LCORL: variants seen among roughly 807,000 people sequenced by gnomAD.
The protein encoded by LCORL is ligand dependent nuclear receptor corepressor like.
In LCORL, 41 loss-of-function variants were observed where a neutral mutation model predicts 141.8. The ratio of observed to expected loss-of-function variants is 0.29; its 90% CI spans 0.23 to 0.38. The LOEUF (loss-of-function observed/expected upper bound fraction) is 0.38. LCORL is among the 10% of genes least tolerant of loss of function. The pLI is 1.00. For missense variants in LCORL, 1,759 were observed against 2,035.0 expected, an observed-to-expected ratio of 0.86 and a Z score of 2.61; for synonymous variants, 618 against 694.1, an observed-to-expected ratio of 0.89 and a Z score of 1.72.
At chr4:17,883,498 G>C in intron 6 of LCORL, 3 of 1,248,036 alleles carry the variant, frequency 2.4e-6, no homozygotes, top group Non-Finnish European at 3.0e-6. Context: ...AATTAAGTAA[G>C]CAACTATATA....
At chr4:17,901,145 T>C (rs186229991) in intron 5 of LCORL, among the ~76,000 whole-genome samples, 3 of 152,176 alleles carry the variant, frequency 2.0e-5, no homozygotes, top group Admixed American at 2.0e-4. Flanking sequence ...ATTAAATATA[T>C]TCTGTGGCTT....
chr4:18,012,277 T>C (rs1723928292), intron 1 of LCORL, among the ~76,000 whole-genome samples: 1 of 152,208 alleles, frequency 6.6e-6, no homozygotes. Flanking sequence ...ACAAGCATGG[T>C]AAACTCACTA....
At chr4:17,873,510 A>G in exon 7 of LCORL, 2 of 1,233,944 alleles carry the variant, frequency 1.6e-6, no homozygotes, top group Non-Finnish European at 2.0e-6. Context: ...ATTGCTAAGA[A>G]CTTCAAAACT....
Position 17,941,709 on chromosome 4 carries a change from A to G in LCORL, c.430+20194T>C, listed in dbSNP as rs370373403. 2.0e-4 allele frequency among the ~76,000 whole-genome samples: 30 copies of G among 152,170 alleles called. 1 individual carries two copies. The South Asian group carries it at 3.3e-3, about 17-fold the overall frequency. On this transcript the variant is annotated intron_variant, in intron 4 of 7. Transcript: ENST00000635767. ...TGTAATTGAAAAGGAAGGGTAAACC[A>G]TTTTCTTCTTATAGGAAAGCAGTCA...
At chr4:17,886,016 G>T in intron 6 of LCORL, 52 bp downstream of exon 6, 1 of 1,012,628 alleles carries the variant, frequency 9.9e-7, no homozygotes, top group Non-Finnish European at 1.5e-6. Flanking sequence ...AGAGTTCTCT[G>T]CAGAGATAAT....
rs111747760 is a variant in LCORL, at chr4:17,928,197, A to G, written c.431-18852T>C. Among the ~76,000 whole-genome samples, 1,195 of 152,312 alleles carry G rather than the reference A, an allele frequency of 7.8e-3. 11 individuals are homozygous for G. The highest frequency in any genetic ancestry group is 0.027 in the African/African-American group (1,127 of 41,566). On this transcript the variant is annotated intron_variant, in intron 4 of 7. Coordinates refer to ENST00000635767, the Ensembl canonical transcript of LCORL. ...TAAGGTGGGTGGATCACTTGAGCCC[A>G]GGAGTTTGAGATCAGCCTGGGCAGT... is the stretch of plus-strand genomic sequence containing the variant.
chr4:17,965,678 T>C (rs138219892), intron 2 of LCORL, among the ~76,000 whole-genome samples: 2,217 of 152,220 alleles, frequency 0.015, 25 homozygotes, highest in Non-Finnish European at 0.024. Flanking sequence ...AGTACTGAAC[T>C]TTTTGTGGCT....
intron 1 of LCORL, among the ~76,000 whole-genome samples, chr4:18,016,999 T>G (rs1391539310): frequency 1.3e-5 from 2 of 152,102 alleles, no homozygotes; most frequent in African/African-American, 4.8e-5. Flanking sequence ...TGGAGGTAAA[T>G]TTGGAAAAGG....
intron 7 of LCORL, among the ~76,000 whole-genome samples, chr4:17,855,431 G>A (rs529957596): frequency 6.6e-6 from 1 of 152,218 alleles, no homozygotes; most frequent in Non-Finnish European, 1.5e-5. Context: ...GGTTTATAAC[G>A]TTCCGAAACC....
chr4:17,857,332 A>T (rs1271947567), intron 7 of LCORL, among the ~76,000 whole-genome samples: 6 of 152,348 alleles, frequency 3.9e-5, no homozygotes, highest in Non-Finnish European at 8.8e-5. Flanking sequence ...GGTTAAAGAT[A>T]AATACTGATC....
intron 2 of LCORL, 88 bp downstream of exon 2, chr4:17,972,732 T>G (rs942142756): frequency 2.2e-6 from 1 of 449,652 alleles, no homozygotes; most frequent in Non-Finnish European, 3.7e-6. Context: ...AAATTCATGT[T>G]TAATATAAAG....
chr4:17,989,346 T>C (rs1040056925), intron 1 of LCORL, among the ~76,000 whole-genome samples: 1 of 152,226 alleles, frequency 6.6e-6, no homozygotes. Context: ...GAATAAAGAT[T>C]TCCTTCTATG....
chr4:18,005,967 G>T (rs1204325780), intron 1 of LCORL, among the ~76,000 whole-genome samples: 3 of 152,106 alleles, frequency 2.0e-5, no homozygotes, highest in African/African-American at 7.2e-5. Flanking sequence ...TTCTGCAGTG[G>T]GCTTGAGTTT....
chr4:17,856,149 G>A lies in LCORL; in HGVS notation c.5603-10248C>T, dbSNP rs141540548. On this transcript the variant is annotated intron_variant, in intron 7 of 7. Coordinates refer to ENST00000635767, the Ensembl canonical transcript of LCORL. The stretch of plus-strand genomic sequence containing the variant: ...TTAAAATAGCACTTAGTAAAGCCAT[G>A]AATGACACATTGATAATTCCAATGA... Among the ~76,000 whole-genome samples the A allele has an allele frequency of 8.3e-4, 126 of 152,306 alleles. 1 individual carries two copies. Among genetic ancestry groups the A allele is most frequent in the Non-Finnish European group, 1.2e-3 (85 of 68,034 alleles).
At chr4:17,855,699 G>A (rs1031522862) in intron 7 of LCORL, among the ~76,000 whole-genome samples, 1 of 152,206 alleles carries the variant, frequency 6.6e-6, no homozygotes, top group African/African-American at 2.4e-5. Context: ...TGCTGAGTTA[G>A]TGTGAGGGAC....
At chr4:17,854,647 T>C (rs1321317016) in intron 7 of LCORL, among the ~76,000 whole-genome samples, 1 of 152,136 alleles carries the variant, frequency 6.6e-6, no homozygotes, top group Non-Finnish European at 1.5e-5. Context: ...TTTCTTTTGG[T>C]TGGTAAACAG....
At chr4:17,902,146 A>G (rs1730981807) in intron 5 of LCORL, among the ~76,000 whole-genome samples, 1 of 152,082 alleles carries the variant, frequency 6.6e-6, no homozygotes, top group African/African-American at 2.4e-5. Flanking sequence ...AAGACTAAAG[A>G]AAGAGAGACA....
intron 4 of LCORL, among the ~76,000 whole-genome samples, chr4:17,914,324 A>T (rs759843259): frequency 1.3e-5 from 2 of 152,226 alleles, no homozygotes; most frequent in African/African-American, 2.4e-5. Flanking sequence ...TATTACTAAC[A>T]TCATCACTTT....
chr4:17,919,891 G>A (rs1269578240), intron 4 of LCORL, among the ~76,000 whole-genome samples: 3 of 152,208 alleles, frequency 2.0e-5, no homozygotes, highest in African/African-American at 7.2e-5. Flanking sequence ...GAATGCTGAT[G>A]TCATGAAGCT....
Sources: gnomAD v4.1 joint callset for allele counts (sites outside exome capture counted in the v4.1 genomes callset) on GRCh38, gnomAD v4.1.1 for gene constraint, MANE v1.5 for transcripts, NCBI Gene and HGNC (gene_info 2026-07-23, HGNC 2026-07-21) for gene names.